Variants in EML6 observed in about 807,000 individuals in gnomAD.
The protein encoded by EML6 is echinoderm microtubule-associated protein-like 6.
A neutral mutation model predicts 240.1 loss-of-function variants in EML6; 154 were observed. The observed-to-expected ratio is 0.64, with a 90% CI of 0.56 to 0.73. The LOEUF is 0.73. Ranked by LOEUF, EML6 falls within the 30% of genes least tolerant of loss-of-function variation. The pLI is 0.00. For synonymous variants in EML6, 1,148 were observed against 899.0 expected, an observed-to-expected ratio of 1.28 and a Z score of -4.95; for missense variants, 2,964 against 2,474.6, an observed-to-expected ratio of 1.20 and a Z score of -4.20.
chr2:54,966,867 G>A, intron 38 of EML6, 133 bp from the exon 39 acceptor site: 1 of 583,166 alleles, frequency 1.7e-6, no homozygotes, highest in Non-Finnish European at 3.1e-6. Context: ...TTTGCAGCCT[G>A]GAGCTGAGCT....
chr2:54,892,801 A>G, intron 19 of EML6, 145 bp downstream of exon 19: 1 of 616,558 alleles, frequency 1.6e-6, no homozygotes, highest in Non-Finnish European at 2.8e-6. Flanking sequence ...GTCAAGAGAC[A>G]ATAGGGAGGA....
chr2:54,825,052 C>G (rs1190898557), intron 5 of EML6, among the ~76,000 whole-genome samples: 1 of 152,156 alleles, frequency 6.6e-6, no homozygotes, highest in African/African-American at 2.4e-5. Flanking sequence ...ACCATCTGAC[C>G]TGGTGACTTG....
chr2:54,943,629 C>T lies in EML6; in HGVS notation c.4005-5253C>T, dbSNP rs142373237. On this transcript the variant is annotated intron_variant, in intron 28 of 41. Coordinates refer to ENST00000356458, the MANE Select transcript of EML6 (RefSeq NM_001039753.4). ...TTAACCCCTGAGTCCAGTGACTCTCCTCTCTCTGTCTTACTAAGAGAACTT... is the reference window on the plus strand; with the variant it reads ...TTAACCCCTGAGTCCAGTGACTCTCTTCTCTCTGTCTTACTAAGAGAACTT... 5.3e-4 allele frequency among the ~76,000 whole-genome samples: 81 copies of T among 152,230 alleles called. 1 individual carries two copies. Among genetic ancestry groups the T allele is most frequent in the African/African-American group, 1.9e-3 (79 of 41,554 alleles).
At chr2:54,785,759 A>G (rs1261528269) in intron 2 of EML6, among the ~76,000 whole-genome samples, 4 of 151,618 alleles carry the variant, frequency 2.6e-5, no homozygotes, top group African/African-American at 9.7e-5. Context: ...CATTCATGAC[A>G]TATCTCTTTC....
At chr2:54,888,058 C>T (rs535649482) in intron 17 of EML6, among the ~76,000 whole-genome samples, 18 of 152,314 alleles carry the variant, frequency 1.2e-4, no homozygotes, top group South Asian at 4.1e-4. Context: ...AAAGCATAGA[C>T]GCCAATACTA....
rs548887890 is a variant in EML6 at position 54,834,870 on chromosome 2, C to T, written c.847+5393C>T. Reference sequence around the variant, plus strand: ...TGCTTTGTAAGTTGCATTCCTGCTTCGACCACCATCCTCTGCACAGCAGCT... The same window carrying T: ...TGCTTTGTAAGTTGCATTCCTGCTTTGACCACCATCCTCTGCACAGCAGCT... On this transcript the variant is annotated intron_variant, in intron 7 of 41. Coordinates refer to ENST00000356458, the MANE Select transcript of EML6 (RefSeq NM_001039753.4). Among the ~76,000 whole-genome samples, 273 of 152,282 alleles carry T rather than the reference C, an allele frequency of 1.8e-3. 2 individuals are homozygous for T. The highest frequency in any genetic ancestry group is 6.1e-3 in the African/African-American group (253 of 41,550).
rs191973661 is a variant in EML6, at chr2:54,795,496, C to G, written c.198-17736C>G. Among the ~76,000 whole-genome samples, 5 of 152,174 alleles carry G rather than the reference C, an allele frequency of 3.3e-5. No individual in the cohort carries two copies. The East Asian group carries it at 7.7e-4, about 24-fold the overall frequency. On this transcript the variant is annotated intron_variant, in intron 2 of 41. Coordinates refer to ENST00000356458, the MANE Select transcript of EML6 (RefSeq NM_001039753.4). ...CAGAGCCAATATCAGTGAGTCTCAT[C>G]AAATACACGTGTGGGGGAGGAAAAG...
At position 54,727,170 on chromosome 2, in the gene EML6, T is replaced by C. The variant is rs537157753; in HGVS notation, c.197+1912T>C. On this transcript the variant is annotated intron_variant, in intron 2 of 41. Transcript: ENST00000356458. ...GTATAACTGGGTTTGCAGGGAGCCT[T>C]AACTGATGAAGGGAAAAAGAGACAG... 2.6e-5 allele frequency among the ~76,000 whole-genome samples: 4 copies of C among 151,282 alleles called. No homozygotes were observed. In the South Asian group the frequency reaches 8.3e-4, roughly 31 times the overall value.
intron 39 of EML6, 108 bp downstream of exon 39, chr2:54,967,211 G>C: frequency 1.4e-6 from 1 of 728,342 alleles, no homozygotes; most frequent in Non-Finnish European, 2.3e-6. Context: ...CTGAGAAATG[G>C]AGCTGTCTTT....
At chr2:54,887,867 C>T (rs995395089) in intron 17 of EML6, among the ~76,000 whole-genome samples, 1 of 152,212 alleles carries the variant, frequency 6.6e-6, no homozygotes, top group Non-Finnish European at 1.5e-5. Context: ...TATCACCCTC[C>T]TGCACTAGAC....
chr2:54,937,690 T>C (rs553624859), intron 28 of EML6, among the ~76,000 whole-genome samples: 1 of 152,178 alleles, frequency 6.6e-6, no homozygotes, highest in African/African-American at 2.4e-5. Context: ...ATTTATAGTT[T>C]TAGTCACTGA....
At chr2:54,895,069 G>C (rs1389966297) in intron 20 of EML6, 43 bp downstream of exon 20, 1 of 1,444,954 alleles carries the variant, frequency 6.9e-7, no homozygotes. Context: ...GTATTCATAG[G>C]GATGGAGAAG....
chr2:54,923,571 C>A (rs887190991), intron 26 of EML6, among the ~76,000 whole-genome samples: 1 of 152,154 alleles, frequency 6.6e-6, no homozygotes, highest in East Asian at 1.9e-4. Context: ...CATCAAGATA[C>A]TTACCCCTAA....
intron 28 of EML6, among the ~76,000 whole-genome samples, chr2:54,929,226 C>T (rs920997883): frequency 2.6e-5 from 4 of 152,178 alleles, no homozygotes; most frequent in Non-Finnish European, 5.9e-5. Context: ...CTTACTGTGT[C>T]TTCATTTGCC....
intron 2 of EML6, among the ~76,000 whole-genome samples, chr2:54,797,261 T>C (rs1322817119): frequency 1.3e-5 from 2 of 150,550 alleles, no homozygotes; most frequent in African/African-American, 2.4e-5. Context: ...CTGTTGAGGA[T>C]GGATGCTGCT....
chr2:54,805,913 C>A (rs1173747652), intron 2 of EML6, among the ~76,000 whole-genome samples: 1 of 152,032 alleles, frequency 6.6e-6, no homozygotes, highest in African/African-American at 2.4e-5. Context: ...CAATCCTTTC[C>A]CCTGATGAGT....
intron 2 of EML6, among the ~76,000 whole-genome samples, chr2:54,789,885 A>G (rs1028545159): frequency 6.6e-6 from 1 of 152,236 alleles, no homozygotes; most frequent in South Asian, 2.1e-4. Context: ...GAGCTTTATG[A>G]CACAGAATAT....
In EML6 at chr2:54,928,302, G is replaced by T; in HGVS notation, c.3676-11G>T. On this transcript the variant is annotated splice_polypyrimidine_tract_variant and intron_variant, in intron 26 of 41. Transcript: ENST00000356458. ...AGTGGCTGGGGTAATAACCAATTTC[G>T]GGCTTTACAGGGACAGCACGCAAGA... 6.4e-7 allele frequency: 1 copy of T among 1,550,584 alleles called. No homozygotes were observed. The highest frequency in any genetic ancestry group is 8.7e-7 in the Non-Finnish European group (1 of 1,146,044).
chr2:54,968,280 T>G lies in EML6; in HGVS notation c.5750T>G (p.Phe1917Cys), dbSNP rs1162451235. ...TTTGATTTTCCATGCACAGAAAAAT[T>G]TGTGAGTGTTCCTCAGAGTAACCTC... Reference protein sequence around the residue: ...KLFDFPCTEKFAKHKRYFGHS... With the variant: ...KLFDFPCTEKCAKHKRYFGHS... The change falls in exon 40 of 42, where the codon TTT becomes TGT. Residue 1917 changes from phenylalanine to cysteine, a missense_variant and splice_region_variant. Transcript: ENST00000356458. The G allele has an allele frequency of 1.3e-6, 2 of 1,551,692 alleles. No homozygotes were observed. Among genetic ancestry groups the G allele is most frequent in the African/African-American group, 1.4e-5 (1 of 73,174 alleles).
Sources: allele counts gnomAD v4.1 joint callset (sites outside exome capture counted in the v4.1 genomes callset), GRCh38; gene constraint gnomAD v4.1.1; transcripts MANE v1.5; gene names NCBI Gene and HGNC (gene_info 2026-07-23, HGNC 2026-07-21).